The following C2CD3 variants were observed in gnomAD, a reference collection of about 807,000 sequenced individuals.
C2CD3 encodes the protein C2 domain-containing protein 3.
C2CD3 carries 148 observed loss-of-function variants against 234.0 expected under a neutral mutation model. The observed-to-expected ratio is 0.63, with a 90% CI of 0.55 to 0.72. The LOEUF (loss-of-function observed/expected upper bound fraction) is 0.72. C2CD3 is among the 30% of genes least tolerant of loss of function. The pLI, the probability that C2CD3 is intolerant of heterozygous loss-of-function variation, is 0.00. For missense variants in C2CD3, 2,577 were observed against 2,811.5 expected (o/e 0.92, Z 1.89); for synonymous variants, 1,000 against 1,035.4 (o/e 0.97, Z 0.66).
At chr11:74,071,879 T>C (rs1043715127) in intron 24 of C2CD3, among the ~76,000 whole-genome samples, 5 of 152,302 alleles carry the variant, frequency 3.3e-5, no homozygotes, top group African/African-American at 1.2e-4. Flanking sequence ...TTTTGCCAAG[T>C]GATATTATAA....
intron 24 of C2CD3, among the ~76,000 whole-genome samples, chr11:74,069,750 C>G (rs116003462): frequency 6.6e-6 from 1 of 152,146 alleles, no homozygotes; most frequent in Non-Finnish European, 1.5e-5. Context: ...AAGAGAAGTG[C>G]TCTCCCTTTG....
intron 19 of C2CD3, among the ~76,000 whole-genome samples, chr11:74,091,744 A>C (rs1226258182): frequency 1.3e-5 from 2 of 152,156 alleles, no homozygotes; most frequent in Non-Finnish European, 2.9e-5. Context: ...CAATTCTCTG[A>C]GTGTACCATA....
intron 3 of C2CD3, chr11:74,142,146 A>G (rs1006076453): frequency 6.6e-6 from 1 of 152,224 alleles, no homozygotes. Flanking sequence ...TATCAAGTAC[A>G]ATGACTACGG....
In C2CD3 at chr11:74,152,761, C is replaced by T. The variant is rs574405870; in HGVS notation, c.483+8638G>A. Among the ~76,000 whole-genome samples the T allele has an allele frequency of 3.8e-3, 574 of 151,926 alleles. 2 individuals are homozygous for T. Among genetic ancestry groups the T allele is most frequent in the Non-Finnish European group, 6.4e-3 (433 of 67,952 alleles). On this transcript the variant is annotated intron_variant, in intron 3 of 32. Transcript: ENST00000334126. ...CAATAAAATAGGCCATATTAACAGA[C>T]CAAAAGAAAAAAATCCAAATGACTA...
chr11:74,056,385 A>G (rs1364815622), intron 25 of C2CD3, among the ~76,000 whole-genome samples: 1 of 152,222 alleles, frequency 6.6e-6, no homozygotes, highest in Non-Finnish European at 1.5e-5. Context: ...TCTTTGTCCT[A>G]ATAAAATCTG....
intron 23 of C2CD3, among the ~76,000 whole-genome samples, chr11:74,076,051 C>T (rs767185776): frequency 6.6e-6 from 1 of 152,206 alleles, no homozygotes; most frequent in Non-Finnish European, 1.5e-5. Flanking sequence ...TATTCAGTGT[C>T]CTAAACCTAC....
intron 23 of C2CD3, among the ~76,000 whole-genome samples, chr11:74,076,088 C>G (rs1214953649): frequency 6.6e-6 from 1 of 152,190 alleles, no homozygotes; most frequent in East Asian, 1.9e-4. Flanking sequence ...AAGCTAAAAG[C>G]CTGTCTTTAT....
At chr11:74,070,398 C>T (rs1049811741) in intron 24 of C2CD3, 7 of 152,252 alleles carry the variant, frequency 4.6e-5, no homozygotes, top group African/African-American at 7.2e-5. Flanking sequence ...CACTCATTTC[C>T]TTCCTTAAGA....
At chr11:74,148,624 T>C (rs887166126) in intron 3 of C2CD3, among the ~76,000 whole-genome samples, 1 of 152,130 alleles carries the variant, frequency 6.6e-6, no homozygotes, top group Admixed American at 6.6e-5. Flanking sequence ...ATACTAATAA[T>C]GGAATACAAC....
chr11:74,117,853 C>T (rs540464585), intron 9 of C2CD3, among the ~76,000 whole-genome samples: 5 of 147,246 alleles, frequency 3.4e-5, no homozygotes, highest in Non-Finnish European at 5.9e-5. Context: ...GTGGAGGTTG[C>T]GGTGATCTGA....
rs147237634 is a variant in C2CD3 at position 74,093,914 on chromosome 11, C to G, written c.3246G>C (p.Leu1082=). ...TTTGCACTGGAACCTCAGCTGGCAACAGGAGAGAGTGATGGTGTTCACTAT... is the reference window on the plus strand; with the variant it reads ...TTTGCACTGGAACCTCAGCTGGCAAGAGGAGAGAGTGATGGTGTTCACTAT... The part of the protein sequence containing the change: ...IFNSEHHHSL[L]LPAEVPVQRL... Residue 1082 remains leucine (L), a synonymous_variant, in exon 18 of 33, where the codon CTG becomes CTC. Transcript: ENST00000334126. 4.2e-5 allele frequency: 67 copies of G among 1,613,980 alleles called. No individual in the cohort carries two copies. Among genetic ancestry groups the G allele is most frequent in the Non-Finnish European group, 5.2e-5 (61 of 1,179,956 alleles).
At chr11:74,075,519 C>CA (rs1259503984) in intron 23 of C2CD3, among the ~76,000 whole-genome samples, 1 of 151,986 alleles carries the variant, frequency 6.6e-6, no homozygotes, top group East Asian at 1.9e-4. Flanking sequence ...GATTTAAGCC[C>CA]AGAGACTTGA....
At chr11:74,163,277 G>A (rs1856592885) in intron 2 of C2CD3, among the ~76,000 whole-genome samples, 1 of 152,190 alleles carries the variant, frequency 6.6e-6, no homozygotes. Flanking sequence ...CTGTTCTGAG[G>A]AACTGGGGTT....
At chr11:74,061,965 G>A (rs1465212879) in intron 24 of C2CD3, among the ~76,000 whole-genome samples, 1 of 151,954 alleles carries the variant, frequency 6.6e-6, no homozygotes. Context: ...AAAAGCAGGG[G>A]TTGCAATCCT....
intron 8 of C2CD3, among the ~76,000 whole-genome samples, chr11:74,121,066 T>G (rs1220601238): frequency 6.6e-6 from 1 of 151,510 alleles, no homozygotes; most frequent in African/African-American, 2.4e-5. Flanking sequence ...GGCTGGAGAC[T>G]CCAGTGGGTA....
At chr11:74,150,863 T>C (rs368559803) in intron 3 of C2CD3, among the ~76,000 whole-genome samples, 1 of 152,130 alleles carries the variant, frequency 6.6e-6, no homozygotes, top group African/African-American at 2.4e-5. Flanking sequence ...TTTTTTACAA[T>C]TGGTTTCTAT....
chr11:74,092,377 C>T (rs756821079), intron 19 of C2CD3, 39 bp downstream of exon 19: 18 of 1,573,576 alleles, frequency 1.1e-5, no homozygotes, highest in Middle Eastern at 1.8e-4. Flanking sequence ...TTTATGTATA[C>T]TGATTTTGAA....
intron 10 of C2CD3, 97 bp downstream of exon 10, chr11:74,114,285 AAC>A: frequency 1.2e-6 from 1 of 817,774 alleles, no homozygotes; most frequent in Non-Finnish European, 2.0e-6. Context: ...TGCATATGAA[AAC>A]ACATCCCAAA....
At chr11:74,123,380 C>T (rs1240606145) in intron 7 of C2CD3, among the ~76,000 whole-genome samples, 1 of 152,102 alleles carries the variant, frequency 6.6e-6, no homozygotes, top group South Asian at 2.1e-4. Context: ...ATGTATTCAA[C>T]AAACATTTAT....
Sources: allele counts gnomAD v4.1 joint callset (sites outside exome capture counted in the v4.1 genomes callset), GRCh38; gene constraint gnomAD v4.1.1; transcripts MANE v1.5; gene names NCBI Gene and HGNC (gene_info 2026-07-23, HGNC 2026-07-21).